The following SP4 variants were observed in gnomAD, a reference collection of about 807,000 sequenced individuals.
The protein encoded by SP4 is transcription factor Sp4.
In SP4, 19 loss-of-function variants were observed where a neutral mutation model predicts 72.8. The observed-to-expected ratio is 0.26, with a 90% CI of 0.18 to 0.38. SP4 has a LOEUF of 0.38. SP4 is among the 10% of genes least tolerant of loss of function. The pLI, the probability that SP4 is intolerant of heterozygous loss-of-function variation, is 1.00. For missense variants in SP4, 1,008 were observed against 926.3 expected (o/e 1.09, Z -1.14); for synonymous variants, 395 against 333.1 (o/e 1.19, Z -2.02).
chr7:21,490,740 A>G (rs1044137906), intron 5 of SP4, among the ~76,000 whole-genome samples: 1 of 152,212 alleles, frequency 6.6e-6, no homozygotes, highest in Non-Finnish European at 1.5e-5. Flanking sequence ...TGCACAGCAC[A>G]GACACAAAGA....
intron 5 of SP4, among the ~76,000 whole-genome samples, chr7:21,498,330 G>C (rs924302748): frequency 2.0e-5 from 3 of 152,186 alleles, no homozygotes; most frequent in Non-Finnish European, 4.4e-5. Flanking sequence ...TTATATAAGA[G>C]ACTTGAGCAT....
In SP4 at chr7:21,478,050, A is replaced by G. The variant is rs182447429; in HGVS notation, c.1907+743A>G. ...TTTTAAGCATCACCCCCTTATCCCA[A>G]TCCTTCCATCCTAGACAACTAATTT... On this transcript the variant is annotated intron_variant, in intron 4 of 5. Coordinates refer to ENST00000222584, the MANE Select transcript of SP4 (RefSeq NM_003112.5). Among the ~76,000 whole-genome samples, 445 of 152,190 alleles carry G rather than the reference A, an allele frequency of 2.9e-3. 1 individual carries two copies. The highest frequency in any genetic ancestry group is 0.01 in the African/African-American group (418 of 41,528).
intron 5 of SP4, among the ~76,000 whole-genome samples, chr7:21,484,899 G>T (rs568291284): frequency 2.0e-5 from 3 of 151,726 alleles, no homozygotes; most frequent in Admixed American, 6.6e-5. Context: ...CAAATATTAT[G>T]ATTTGGGGCA....
At chr7:21,433,214 A>G (rs1484787450) in intron 3 of SP4, among the ~76,000 whole-genome samples, 1 of 152,072 alleles carries the variant, frequency 6.6e-6, no homozygotes, top group Non-Finnish European at 1.5e-5. Context: ...TTATTCCTTC[A>G]TTTTCAGGGA....
In SP4 at chr7:21,429,964, G is replaced by C; in HGVS notation, c.799G>C (p.Ala267Pro). ...AATTAACATTGGAGGAGTGACTCTA[G>C]CTTTGCCAGTGATAAACAACGTGGC... ...LPINIGGVTLALPVINNVAAG... is the reference protein window; with the variant it reads ...LPINIGGVTLPLPVINNVAAG... Residue 267 changes from alanine (A) to proline (P), a missense_variant, in exon 3 of 6, where the codon GCT becomes CCT. Physicochemically the swap from Ala to Pro is conservative, Grantham distance 27. Transcript: ENST00000222584. 1 of 1,614,164 alleles carries C rather than the reference G, an allele frequency of 6.2e-7. No homozygotes were observed. Among genetic ancestry groups the C allele is most frequent in the Non-Finnish European group, 8.5e-7 (1 of 1,180,034 alleles).
intron 3 of SP4, among the ~76,000 whole-genome samples, chr7:21,453,437 G>T (rs1783662739): frequency 6.6e-6 from 1 of 152,170 alleles, no homozygotes; most frequent in African/African-American, 2.4e-5. Context: ...AAGGAAATTT[G>T]TTAGCCTCTG....
At chr7:21,429,145 C>A in intron 2 of SP4, 144 bp from the exon 3 acceptor site, 1 of 595,566 alleles carries the variant, frequency 1.7e-6, no homozygotes, top group Non-Finnish European at 3.0e-6. Flanking sequence ...TACTTTTGTT[C>A]GTATTTCTTT....
rs1286658480 is a variant in SP4, at chr7:21,430,111, G to C, written c.946G>C (p.Glu316Gln). ...NTTTSASTMP[E>Q]SPSSSTTCTT... The stretch of plus-strand genomic sequence containing the variant: ...CACTACTTCTGCCAGTACTATGCCA[G>C]AATCTCCCTCCTCCTCCACTACCTG... Residue 316 changes from glutamate (E) to glutamine (Q), a missense_variant, in exon 3 of 6, where the codon GAA (glutamate) becomes CAA (glutamine). By Grantham distance (29) the Glu-to-Gln change is conservative. Around this residue, in one of 3 missense-constraint regions of SP4, gnomAD observed 893 missense variants for 743.3 expected, o/e 1.20. Transcript: ENST00000222584. 1.2e-6 allele frequency: 2 copies of C among 1,614,054 alleles called. No homozygotes were observed. Among genetic ancestry groups the C allele is most frequent in the African/African-American group, 2.7e-5 (2 of 74,914 alleles).
chr7:21,429,177 AT>A, intron 2 of SP4, 111 bp from the exon 3 acceptor site: 1 of 615,574 alleles, frequency 1.6e-6, no homozygotes, highest in Non-Finnish European at 2.8e-6. Context: ...TGCTTCCTAA[AT>A]TGTTATGTAG....
At chr7:21,506,383 T>C (rs1479396280) in intron 5 of SP4, among the ~76,000 whole-genome samples, 1 of 152,036 alleles carries the variant, frequency 6.6e-6, no homozygotes, top group Admixed American at 6.6e-5. Flanking sequence ...TCATGAGGGG[T>C]ATCACCTTTT....
intron 5 of SP4, among the ~76,000 whole-genome samples, chr7:21,483,817 C>A (rs931507037): frequency 2.0e-5 from 3 of 151,300 alleles, no homozygotes; most frequent in Non-Finnish European, 4.4e-5. Flanking sequence ...TTGCCCAGAA[C>A]ACCTACCCTT....
intron 3 of SP4, among the ~76,000 whole-genome samples, chr7:21,464,488 T>A (rs1784103566): frequency 6.6e-6 from 1 of 152,212 alleles, no homozygotes; most frequent in African/African-American, 2.4e-5. Flanking sequence ...CACATGTTTA[T>A]TTTGTTCTTG....
chr7:21,479,962 CT>C, intron 4 of SP4, among the ~76,000 whole-genome samples: 2 of 146,872 alleles, frequency 1.4e-5, no homozygotes, highest in Non-Finnish European at 3.0e-5. Context: ...TTTTGCTGAA[CT>C]TTTTGATTAG....
Position 21,445,988 on chromosome 7 carries a change from A to ATGTG in SP4, c.1678+15184_1678+15187dup, listed in dbSNP as rs4000966. Among the ~76,000 whole-genome samples, 821 of 143,210 alleles carry ATGTG rather than the reference A, an allele frequency of 5.7e-3. 7 individuals are homozygous for ATGTG. Among genetic ancestry groups the ATGTG allele is most frequent in the Non-Finnish European group, 9.0e-3 (585 of 65,010 alleles). 94.0% of individuals were successfully genotyped at this position (143,210 alleles called of 152,430 possible). ...AGTTCATTTTGTGTATCTTATGTGT[A>ATGTG]TGTGTGTGTGTGTGTGTGTGTGTGT... On this transcript the variant is annotated intron_variant, in intron 3 of 5. Coordinates refer to ENST00000222584, the MANE Select transcript of SP4 (RefSeq NM_003112.5).
chr7:21,477,013 T>C, intron 3 of SP4, 66 bp from the exon 4 acceptor site: 1 of 1,242,148 alleles, frequency 8.1e-7, no homozygotes, highest in East Asian at 2.5e-5. Context: ...ACATAGATTT[T>C]TTTTTTTAAT....
chr7:21,452,627 T>C (rs142934855), intron 3 of SP4, among the ~76,000 whole-genome samples: 2 of 152,192 alleles, frequency 1.3e-5, no homozygotes, highest in Admixed American at 1.3e-4. Context: ...GTTTCTCCAA[T>C]TGTGTCCTGT....
chr7:21,466,990 T>C (rs1262211932), intron 3 of SP4, among the ~76,000 whole-genome samples: 1 of 152,200 alleles, frequency 6.6e-6, no homozygotes, highest in Non-Finnish European at 1.5e-5. Context: ...TTCATATGTT[T>C]TGTTATAGCT....
intron 3 of SP4, among the ~76,000 whole-genome samples, chr7:21,473,085 C>G (rs940645568): frequency 1.3e-5 from 2 of 152,132 alleles, no homozygotes; most frequent in Admixed American, 6.5e-5. Context: ...CAGAACACTA[C>G]TTTTTTATTT....
chr7:21,430,929 T>C (rs947781803), intron 3 of SP4, 86 bp downstream of exon 3: 141 of 983,760 alleles, frequency 1.4e-4, no homozygotes, highest in Non-Finnish European at 2.1e-4. Context: ...AGGTTTGACG[T>C]AGACCTCTGA....
Sources: allele counts gnomAD v4.1 joint callset (sites outside exome capture counted in the v4.1 genomes callset), GRCh38; gene constraint gnomAD v4.1.1; regional missense constraint gnomAD v4.1.1; transcripts MANE v1.5; gene names NCBI Gene and HGNC (gene_info 2026-07-23, HGNC 2026-07-21).